The following FAM3D variants were observed in gnomAD, a reference collection of about 807,000 sequenced individuals.
FAM3D encodes protein FAM3D.
FAM3D carries 26 observed loss-of-function variants against 29.8 expected under a neutral mutation model. The observed-to-expected ratio is 0.87, with a 90% CI of 0.64 to 1.21. The LOEUF (loss-of-function observed/expected upper bound fraction) is 1.21. Ranked by LOEUF, FAM3D falls within the 50% of genes most tolerant of loss-of-function variation. The probability of loss-of-function intolerance (pLI) is 0.00; values close to 1 mark genes in which losing one functional copy is unlikely to be tolerated. For missense variants in FAM3D, 253 were observed against 290.9 expected (o/e 0.87, Z 0.95); for synonymous variants, 115 against 102.3 (o/e 1.12, Z -0.75).
chr3:58,655,333 A>T (rs1335023169), intron 2 of FAM3D, among the ~76,000 whole-genome samples: 4 of 152,116 alleles, frequency 2.6e-5, no homozygotes. Context: ...AGTCTCAATG[A>T]TCCCAGCCAT....
chr3:58,663,733 C>T (rs2066976179), intron 1 of FAM3D, among the ~76,000 whole-genome samples: 1 of 152,170 alleles, frequency 6.6e-6, no homozygotes, highest in Non-Finnish European at 1.5e-5. Flanking sequence ...CTGCTCCTGT[C>T]ATTTTCACCA....
intron 6 of FAM3D, among the ~76,000 whole-genome samples, chr3:58,643,069 C>T (rs2106775149): frequency 6.6e-6 from 1 of 152,356 alleles, no homozygotes; most frequent in Middle Eastern, 3.4e-3. Context: ...CTCCCCTGAA[C>T]CACCCGGGGT....
At chr3:58,644,239 C>T (rs746583916) in intron 5 of FAM3D, among the ~76,000 whole-genome samples, 3 of 152,158 alleles carry the variant, frequency 2.0e-5, no homozygotes, top group Non-Finnish European at 2.9e-5. Context: ...CCAGCTACAG[C>T]GACTGGCTGA....
intron 1 of FAM3D, among the ~76,000 whole-genome samples, chr3:58,665,668 T>A (rs1007708452): frequency 6.6e-6 from 1 of 152,138 alleles, no homozygotes; most frequent in Non-Finnish European, 1.5e-5. Flanking sequence ...AGAGTCAGTG[T>A]GGCATAGTGG....
In FAM3D at chr3:58,654,248, C is replaced by G. The variant is rs1482435100; in HGVS notation, c.14-467G>C. 5.3e-5 allele frequency among the ~76,000 whole-genome samples: 8 copies of G among 152,240 alleles called. No individual in the cohort carries two copies. The East Asian group carries it at 1.5e-3, about 29-fold the overall frequency. On this transcript the variant is annotated intron_variant, in intron 2 of 9. Transcript: ENST00000358781. ...GTGTGACTCTGAGTAGGAGCTCAGCCTCTCTGAGCTGAAGTCCTTCAGGCA... is the reference window on the plus strand; with the variant it reads ...GTGTGACTCTGAGTAGGAGCTCAGCGTCTCTGAGCTGAAGTCCTTCAGGCA...
intron 4 of FAM3D, 63 bp downstream of exon 4, chr3:58,649,252 C>T: frequency 6.3e-7 from 1 of 1,585,170 alleles, no homozygotes; most frequent in Non-Finnish European, 8.6e-7. Context: ...TGCCCTAGGG[C>T]AAATGGGAGC....
chr3:58,657,850 A>C (rs6776006), intron 1 of FAM3D: 98,712 of 152,126 alleles, frequency 0.65, 34,041 homozygotes, highest in East Asian at 0.85. Flanking sequence ...ACCCAAACCC[A>C]AAAGAGTGTG....
rs944598553 is a variant in FAM3D, at chr3:58,634,920, C to T, written c.586-552G>A. 1.3e-5 allele frequency among the ~76,000 whole-genome samples: 2 copies of T among 152,066 alleles called. No homozygotes were observed. Among genetic ancestry groups the T allele is most frequent in the Non-Finnish European group, 2.9e-5 (2 of 68,012 alleles). ...GTGGGGTGCAGTGGCTCACACCTAT[C>T]ATCCCAGCACTTTGGGAGGGTAAGG... is the stretch of plus-strand genomic sequence containing the variant. On this transcript the variant is annotated intron_variant, in intron 9 of 9. Transcript: ENST00000358781. The surrounding 1 kb of genome is among the most constrained non-coding windows in gnomAD (Gnocchi z 4.6).
At chr3:58,639,806 G>T (rs548775315) in intron 7 of FAM3D, among the ~76,000 whole-genome samples, 1 of 152,314 alleles carries the variant, frequency 6.6e-6, no homozygotes, top group South Asian at 2.1e-4. Context: ...GAGGAGGGCC[G>T]GGTGGGGTCT....
chr3:58,634,236 G>C lies in FAM3D; in HGVS notation c.*43C>G. Reference sequence around the variant, plus strand: ...CGGGCTCTGACTCCTAAGTCAGGCAGGAGCTTCTTCAGGCCCCTGGCTGAG... The same window carrying C: ...CGGGCTCTGACTCCTAAGTCAGGCACGAGCTTCTTCAGGCCCCTGGCTGAG... On this transcript the variant is annotated 3_prime_UTR_variant, in exon 10 of 10. Coordinates refer to ENST00000358781, the MANE Select transcript of FAM3D (RefSeq NM_138805.3). This position sits in a 1 kb window ranked among gnomAD's most constrained non-coding sequence, Gnocchi z 4.6. 1 of 1,589,332 alleles carries C rather than the reference G, an allele frequency of 6.3e-7. No homozygotes were observed. Among genetic ancestry groups the C allele is most frequent in the Non-Finnish European group, 8.6e-7 (1 of 1,162,530 alleles).
chr3:58,646,492 G>A (rs934072941), intron 4 of FAM3D, among the ~76,000 whole-genome samples: 1 of 152,202 alleles, frequency 6.6e-6, no homozygotes, highest in African/African-American at 2.4e-5. Context: ...TGTGAGTTCT[G>A]GGATGACACC....
chr3:58,663,444 T>C (rs2066971193), intron 1 of FAM3D, among the ~76,000 whole-genome samples: 1 of 152,220 alleles, frequency 6.6e-6, no homozygotes, highest in South Asian at 2.1e-4. Flanking sequence ...ACTTTTCTGT[T>C]GTGTATGTCA....
chr3:58,642,011 T>C (rs1177936463), intron 6 of FAM3D, among the ~76,000 whole-genome samples: 2 of 152,164 alleles, frequency 1.3e-5, no homozygotes, highest in South Asian at 4.1e-4. Flanking sequence ...GGAGTGTTGA[T>C]GTATGCTGAG....
intron 1 of FAM3D, among the ~76,000 whole-genome samples, chr3:58,658,390 G>C (rs2066865007): frequency 6.6e-6 from 1 of 152,232 alleles, no homozygotes; most frequent in African/African-American, 2.4e-5. Flanking sequence ...CAGTTGTGGA[G>C]CTCATTTCCA....
intron 7 of FAM3D, 64 bp from the exon 8 acceptor site, chr3:58,637,289 T>C (rs1392274689): frequency 8.3e-6 from 12 of 1,440,532 alleles, no homozygotes; most frequent in Non-Finnish European, 1.1e-5. Flanking sequence ...TTCTCATGCT[T>C]GTCTACTGCC....
chr3:58,636,775 T>G (rs2066182766), intron 8 of FAM3D, among the ~76,000 whole-genome samples: 1 of 152,216 alleles, frequency 6.6e-6, no homozygotes, highest in Non-Finnish European at 1.5e-5. Flanking sequence ...CAGTGTTTTT[T>G]TTTCCCCTCA....
rs931535129 is a variant in FAM3D, at chr3:58,635,493, C to G, written c.585+801G>C. Among the ~76,000 whole-genome samples, 1 of 152,170 alleles carries G rather than the reference C, an allele frequency of 6.6e-6. No individual in the cohort carries two copies. The highest frequency in any genetic ancestry group is 2.4e-5 in the African/African-American group (1 of 41,426). The stretch of plus-strand genomic sequence containing the variant: ...TGCTGGGCTTCCTGTACTCCCACGC[C>G]TCCTCTGTCTTGCCGGTTCCCCTGG... On this transcript the variant is annotated intron_variant, in intron 9 of 9. Transcript: ENST00000358781. The surrounding 1 kb of genome is among the most constrained non-coding windows in gnomAD (Gnocchi z 5.2).
chr3:58,646,608 G>A (rs1266622421), intron 4 of FAM3D, among the ~76,000 whole-genome samples: 2 of 152,240 alleles, frequency 1.3e-5, no homozygotes, highest in East Asian at 1.9e-4. Flanking sequence ...ACATGGATTT[G>A]GAGAATGCTC....
intron 1 of FAM3D, 43 bp from the exon 2 acceptor site, chr3:58,655,644 T>A: frequency 6.5e-7 from 1 of 1,533,766 alleles, no homozygotes; most frequent in Non-Finnish European, 8.9e-7. Context: ...GCATCAGGTC[T>A]GCAAGTGATC....
Sources: gnomAD v4.1 joint callset for allele counts (sites outside exome capture counted in the v4.1 genomes callset) on GRCh38, gnomAD v4.1.1 for gene constraint, Gnocchi (gnomAD v3.1) non-coding constraint, MANE v1.5 for transcripts, NCBI Gene and HGNC (gene_info 2026-07-23, HGNC 2026-07-21) for gene names.